Variants in ULK4 observed in about 807,000 individuals in gnomAD.
The protein encoded by ULK4 is unc-51 like kinase 4.
In ULK4, 133 loss-of-function variants were observed where a neutral mutation model predicts 160.6. The ratio of observed to expected loss-of-function variants is 0.83; its 90% CI spans 0.72 to 0.96. The LOEUF is 0.96. ULK4 is among the 40% of genes least tolerant of loss of function. ULK4 has a pLI of 0.00. For synonymous variants in ULK4, 534 were observed against 539.8 expected, an observed-to-expected ratio of 0.99 and a Z score of 0.15; for missense variants, 1,580 against 1,499.5, an observed-to-expected ratio of 1.05 and a Z score of -0.89.
chr3:41,253,786 A>G (rs2078782190), intron 35 of ULK4, among the ~76,000 whole-genome samples: 1 of 152,174 alleles, frequency 6.6e-6, no homozygotes, highest in Admixed American at 6.5e-5. Flanking sequence ...AAATATAATG[A>G]GATAGTGGTT....
At chr3:41,800,040 A>G in intron 20 of ULK4, 92 bp downstream of exon 20, 6 of 1,203,082 alleles carry the variant, frequency 5.0e-6, no homozygotes, top group Admixed American at 2.9e-5. Flanking sequence ...TTTCCTATCT[A>G]TTAAATTAAA....
intron 34 of ULK4, among the ~76,000 whole-genome samples, chr3:41,424,828 CAT>C: frequency 3.2e-5 from 1 of 31,654 alleles, no homozygotes; most frequent in East Asian, 8.8e-4. Flanking sequence ...GATAAGAAAT[CAT>C]CAAAAAAAAA....
At chr3:41,718,273 A>G (rs1324859381) in intron 22 of ULK4, among the ~76,000 whole-genome samples, 1 of 152,208 alleles carries the variant, frequency 6.6e-6, no homozygotes, top group African/African-American at 2.4e-5. Flanking sequence ...ATGAATTTCA[A>G]TTGTCTCATC....
intron 30 of ULK4, among the ~76,000 whole-genome samples, chr3:41,643,288 A>T (rs1020579245): frequency 1.3e-5 from 2 of 152,064 alleles, no homozygotes; most frequent in South Asian, 2.1e-4. Context: ...CTGAATGGTA[A>T]TGCCTAGGTT....
intron 32 of ULK4, among the ~76,000 whole-genome samples, chr3:41,522,683 T>C (rs2085973642): frequency 6.6e-6 from 1 of 152,150 alleles, no homozygotes; most frequent in Non-Finnish European, 1.5e-5. Context: ...TCAGATGATA[T>C]GACAGAACTG....
intron 21 of ULK4, among the ~76,000 whole-genome samples, chr3:41,781,205 T>C (rs1045779788): frequency 1.3e-5 from 2 of 152,152 alleles, no homozygotes; most frequent in Non-Finnish European, 2.9e-5. Flanking sequence ...AAATCATTTA[T>C]GAGAAGGTCA....
intron 35 of ULK4, among the ~76,000 whole-genome samples, chr3:41,330,974 AG>A (rs2080430287): frequency 6.6e-6 from 1 of 152,198 alleles, no homozygotes; most frequent in African/African-American, 2.4e-5. Context: ...CCAAGACTAA[AG>A]GGTCTGCTTA....
intron 13 of ULK4, among the ~76,000 whole-genome samples, chr3:41,900,461 AGCAGTAGTGAGAG>A (rs1698311944): frequency 6.6e-6 from 1 of 152,238 alleles, no homozygotes; most frequent in Admixed American, 6.5e-5. Context: ...ATGTGGAAGA[AGCAGTAGTGAGAG>A]GCAGCAGAGC....
chr3:41,534,741 A>G (rs922385327), intron 32 of ULK4, among the ~76,000 whole-genome samples: 1 of 152,150 alleles, frequency 6.6e-6, no homozygotes, highest in Non-Finnish European at 1.5e-5. Context: ...GAAAGAAAAC[A>G]TGCTAATTAC....
chr3:41,373,667 G>C (rs2081419368), intron 35 of ULK4, among the ~76,000 whole-genome samples: 1 of 152,184 alleles, frequency 6.6e-6, no homozygotes, highest in African/African-American at 2.4e-5. Context: ...AGCAATAAAT[G>C]CCCACAGGAG....
chr3:41,764,677 T>C (rs1415604991), intron 21 of ULK4, among the ~76,000 whole-genome samples: 2 of 152,348 alleles, frequency 1.3e-5, no homozygotes, highest in East Asian at 3.9e-4. Context: ...CAGTATAACA[T>C]GCTGGCAAAG....
intron 22 of ULK4, among the ~76,000 whole-genome samples, chr3:41,718,331 A>G (rs887919914): frequency 6.6e-6 from 1 of 152,220 alleles, no homozygotes; most frequent in African/African-American, 2.4e-5. Flanking sequence ...ATGGCAGACA[A>G]TATCTAAATA....
At chr3:41,349,697 T>G (rs1166362369) in intron 35 of ULK4, among the ~76,000 whole-genome samples, 1 of 152,064 alleles carries the variant, frequency 6.6e-6, no homozygotes, top group East Asian at 1.9e-4. Flanking sequence ...CCACCCTCAT[T>G]CCATTTGTCA....
chr3:41,493,285 G>T (rs7430270), intron 32 of ULK4, among the ~76,000 whole-genome samples: 1 of 138,764 alleles, frequency 7.2e-6, no homozygotes. Flanking sequence ...CACTGAAAAC[G>T]GCTCAACTGC....
chr3:41,953,304 A>ATATATT (rs1181182812), intron 2 of ULK4, among the ~76,000 whole-genome samples: 62 of 124,790 alleles, frequency 5.0e-4, no homozygotes, highest in African/African-American at 1.2e-3. Flanking sequence ...ATATATATAT[A>ATATATT]TTTTTTTTTT....
At chr3:41,267,567 T>C (rs144967219) in intron 35 of ULK4, among the ~76,000 whole-genome samples, 65 of 152,306 alleles carry the variant, frequency 4.3e-4, no homozygotes, top group East Asian at 3.7e-3. Context: ...TTTCTGATTC[T>C]AGATCCTTTA....
intron 35 of ULK4, among the ~76,000 whole-genome samples, chr3:41,370,349 G>A (rs150268325): frequency 6.6e-6 from 1 of 152,204 alleles, no homozygotes; most frequent in East Asian, 1.9e-4. Context: ...GTTTAGTGGG[G>A]ATTACCAGGC....
At chr3:41,908,927 T>C (rs927321937) in intron 11 of ULK4, among the ~76,000 whole-genome samples, 1 of 151,794 alleles carries the variant, frequency 6.6e-6, no homozygotes, top group Non-Finnish European at 1.5e-5. Context: ...ACCCCATCCC[T>C]ACTAAAAATA....
intron 32 of ULK4, among the ~76,000 whole-genome samples, chr3:41,508,494 A>G (rs575286438): frequency 5.0e-4 from 76 of 152,270 alleles, no homozygotes; most frequent in African/African-American, 1.8e-3. Context: ...GCACTTTTGA[A>G]AGCGCCACCT....
Sources: gnomAD v4.1 joint callset for allele counts (sites outside exome capture counted in the v4.1 genomes callset) on GRCh38, gnomAD v4.1.1 for gene constraint, MANE v1.5 for transcripts, NCBI Gene and HGNC (gene_info 2026-07-23, HGNC 2026-07-21) for gene names.